The following ZBTB7C variants were observed in gnomAD, a reference collection of about 807,000 sequenced individuals.
ZBTB7C encodes zinc finger and BTB domain containing 7C.
ZBTB7C carries 8 observed loss-of-function variants against 25.7 expected under a neutral mutation model. That is an observed-to-expected ratio of 0.31 (90% CI 0.18 to 0.56). The LOEUF (loss-of-function observed/expected upper bound fraction) is 0.56, where lower values mean the gene tolerates loss of function less well. Ranked by LOEUF, ZBTB7C falls within the 20% of genes least tolerant of loss-of-function variation. The probability of loss-of-function intolerance (pLI) is 0.91; values close to 1 mark genes in which losing one functional copy is unlikely to be tolerated. For synonymous variants in ZBTB7C, 394 were observed against 369.0 expected, an observed-to-expected ratio of 1.07 and a Z score of -0.78; for missense variants, 824 against 855.2, an observed-to-expected ratio of 0.96 and a Z score of 0.46.
intron 1 of ZBTB7C, among the ~76,000 whole-genome samples, chr18:48,396,975 T>A (rs1226352991): frequency 6.6e-6 from 1 of 152,204 alleles, no homozygotes; most frequent in African/African-American, 2.4e-5. Context: ...TTTGTTACAT[T>A]TTTACAACAG....
chr18:48,254,656 GACA>G (rs1437894937), intron 2 of ZBTB7C, among the ~76,000 whole-genome samples: 2 of 152,030 alleles, frequency 1.3e-5, no homozygotes, highest in Admixed American at 6.6e-5. Flanking sequence ...ATTTACCCCA[GACA>G]ACAATACAGC....
At chr18:48,131,480 T>TG (rs1016471537) in intron 3 of ZBTB7C, among the ~76,000 whole-genome samples, 6 of 152,112 alleles carry the variant, frequency 3.9e-5, no homozygotes, top group Non-Finnish European at 7.4e-5. Context: ...GTTTTTTTTT[T>TG]TGTGTGTAAT....
chr18:48,205,304 G>A (rs1258307241), intron 2 of ZBTB7C, among the ~76,000 whole-genome samples: 1 of 151,840 alleles, frequency 6.6e-6, no homozygotes, highest in Admixed American at 6.5e-5. Context: ...ATATGTAGAG[G>A]ACAAAATTTT....
intron 3 of ZBTB7C, among the ~76,000 whole-genome samples, chr18:48,180,774 C>A (rs1378193352): frequency 6.6e-6 from 1 of 152,200 alleles, no homozygotes; most frequent in African/African-American, 2.4e-5. Flanking sequence ...GGTGTAGGAA[C>A]AATCTCTACA....
At chr18:48,059,879 A>C (rs2037060067) in intron 3 of ZBTB7C, among the ~76,000 whole-genome samples, 1 of 151,164 alleles carries the variant, frequency 6.6e-6, no homozygotes, top group Non-Finnish European at 1.5e-5. Flanking sequence ...CCATCCCCCC[A>C]CCCGCCCAGG....
chr18:48,136,735 T>G (rs2040178593), intron 3 of ZBTB7C, among the ~76,000 whole-genome samples: 1 of 152,056 alleles, frequency 6.6e-6, no homozygotes, highest in South Asian at 2.1e-4. Flanking sequence ...TCTCTCCTAT[T>G]TCGGAAGAGG....
chr18:48,265,646 A>G (rs1323426436), intron 2 of ZBTB7C, among the ~76,000 whole-genome samples: 1 of 152,206 alleles, frequency 6.6e-6, no homozygotes, highest in East Asian at 1.9e-4. Context: ...TCACAATATG[A>G]AGGACATGGC....
chr18:48,095,809 C>T (rs1050750372), intron 3 of ZBTB7C, among the ~76,000 whole-genome samples: 5 of 152,318 alleles, frequency 3.3e-5, no homozygotes, highest in South Asian at 2.1e-4. Context: ...CTGTAACCCA[C>T]GGCTGAGGGA....
intron 3 of ZBTB7C, chr18:48,169,946 T>A (rs1393576457): frequency 6.6e-6 from 1 of 152,254 alleles, no homozygotes; most frequent in African/African-American, 2.4e-5. Context: ...TGAGGGAGAG[T>A]GGACAGAAGG....
chr18:48,097,382 G>GTTA (rs1555691088), intron 3 of ZBTB7C, among the ~76,000 whole-genome samples: 25,129 of 144,742 alleles, frequency 0.17, 2,525 homozygotes, highest in African/African-American at 0.27. Flanking sequence ...TATTGTTGTT[G>GTTA]TTATTATTAT....
chr18:48,318,005 C>T (rs1345565063), intron 2 of ZBTB7C, among the ~76,000 whole-genome samples: 1 of 152,112 alleles, frequency 6.6e-6, no homozygotes, highest in Non-Finnish European at 1.5e-5. Flanking sequence ...ATCTCAGGGG[C>T]CCTACTGAGG....
At chr18:48,184,619 A>C (rs773964435) in intron 3 of ZBTB7C, among the ~76,000 whole-genome samples, 7 of 152,074 alleles carry the variant, frequency 4.6e-5, no homozygotes, top group Non-Finnish European at 8.8e-5. Flanking sequence ...ATTAATCATC[A>C]TTAAATAAAT....
At chr18:48,338,494 CTCTT>C (rs1306283477) in intron 1 of ZBTB7C, 96 bp from the exon 2 acceptor site, 3 of 152,140 alleles carry the variant, frequency 2.0e-5, no homozygotes, top group Non-Finnish European at 1.5e-5. Context: ...CCTTCTCTTT[CTCTT>C]TATTATTAGG....
chr18:48,321,128 G>A (rs12955839), intron 2 of ZBTB7C, among the ~76,000 whole-genome samples: 4,676 of 152,336 alleles, frequency 0.031, 98 homozygotes, highest in Non-Finnish European at 0.047. Context: ...ATATAGCCTC[G>A]GCACTGGAAT....
intron 3 of ZBTB7C, among the ~76,000 whole-genome samples, chr18:48,090,785 A>G (rs766191405): frequency 5.9e-5 from 9 of 151,412 alleles, no homozygotes; most frequent in Non-Finnish European, 1.2e-4. Context: ...CTGTCTTACC[A>G]GAATCAGACC....
At chr18:48,208,871 C>A (rs2042639346) in intron 2 of ZBTB7C, among the ~76,000 whole-genome samples, 1 of 152,182 alleles carries the variant, frequency 6.6e-6, no homozygotes, top group South Asian at 2.1e-4. Flanking sequence ...ATTCTCCCAC[C>A]CTACCCCAGT....
At chr18:48,121,397 C>A (rs929816708) in intron 3 of ZBTB7C, among the ~76,000 whole-genome samples, 1 of 93,278 alleles carries the variant, frequency 1.1e-5, no homozygotes, top group East Asian at 2.8e-4. Flanking sequence ...TGGCTTAATA[C>A]TCTTTTTTTT....
At chr18:48,165,394 A>G (rs888931732) in intron 3 of ZBTB7C, 1 of 351,766 alleles carries the variant, frequency 2.8e-6, no homozygotes. Flanking sequence ...CCCATACTCT[A>G]TGGCCCAAGT....
chr18:48,363,317 G>C (rs2047152961), intron 1 of ZBTB7C, among the ~76,000 whole-genome samples: 1 of 152,174 alleles, frequency 6.6e-6, no homozygotes, highest in Non-Finnish European at 1.5e-5. Context: ...GAGGAAGCCA[G>C]AAAATGAGAA....
Sources: gnomAD v4.1 joint callset for allele counts (sites outside exome capture counted in the v4.1 genomes callset) on GRCh38, gnomAD v4.1.1 for gene constraint, MANE v1.5 for transcripts, NCBI Gene and HGNC (gene_info 2026-07-23, HGNC 2026-07-21) for gene names.